ADAP1: variants seen among roughly 807,000 people sequenced by gnomAD.
The protein encoded by ADAP1 is arf-GAP with dual PH domain-containing protein 1.
In ADAP1, 31 loss-of-function variants were observed where a neutral mutation model predicts 54.9. The ratio of observed to expected loss-of-function variants is 0.56; its 90% CI spans 0.42 to 0.76. The LOEUF is 0.76. Ranked by LOEUF, ADAP1 falls within the 30% of genes least tolerant of loss-of-function variation. The probability of loss-of-function intolerance (pLI) is 0.00; values close to 1 mark genes in which losing one functional copy is unlikely to be tolerated. For synonymous variants in ADAP1, 313 were observed against 202.6 expected (o/e 1.55, Z -4.63); for missense variants, 535 against 512.4 (o/e 1.04, Z -0.42).
At chr7:919,595 G>A (rs1027025876) in intron 4 of ADAP1, among the ~76,000 whole-genome samples, 68 of 143,948 alleles carry the variant, frequency 4.7e-4, no homozygotes, top group Non-Finnish European at 7.1e-4. Context: ...GAAGAGAGAG[G>A]AAGAGAGACA....
At position 938,226 on chromosome 7, in the gene ADAP1, T is replaced by G. The variant is rs1055349354; in HGVS notation, c.83-2721A>C. 3.3e-5 allele frequency among the ~76,000 whole-genome samples: 5 copies of G among 152,188 alleles called. No homozygotes were observed. Among genetic ancestry groups the G allele is most frequent in the African/African-American group, 1.2e-4 (5 of 41,534 alleles). ...TCTTGCCCTGTTGCCCAAGGTGGAG[T>G]GCAGTGGTGCAATCACAGCTCACAG... On this transcript the variant is annotated intron_variant, in intron 1 of 10. Transcript: ENST00000265846. The surrounding 1 kb of genome is among the most constrained non-coding windows in gnomAD (Gnocchi z 4.4).
chr7:903,072 G>A (rs1441544235), intron 6 of ADAP1, among the ~76,000 whole-genome samples: 4 of 152,156 alleles, frequency 2.6e-5, no homozygotes, highest in Non-Finnish European at 5.9e-5. Context: ...CTGCAGGAGC[G>A]AGATCTCCAG....
intron 1 of ADAP1, among the ~76,000 whole-genome samples, chr7:939,049 T>C (rs1431802344): frequency 6.6e-6 from 1 of 152,188 alleles, no homozygotes; most frequent in Non-Finnish European, 1.5e-5. Context: ...GGCCTGTTCA[T>C]GGAACCCGTA....
rs183170940 is a variant in ADAP1, at chr7:904,040, G to A, written c.648+86C>T. On this transcript the variant is annotated intron_variant, in intron 6 of 10. Coordinates refer to ENST00000265846, the MANE Select transcript of ADAP1 (RefSeq NM_006869.4). ...GCTCAAGTGCCTACCCTCCCGTACC[G>A]TCCAAGCACCCACCTTCCTGCGCCA... 3.5e-4 allele frequency: 544 copies of A among 1,574,690 alleles called. 2 individuals carry two copies. In the East Asian group the frequency reaches 5.9e-3, roughly 17 times the overall value.
chr7:910,409 C>T (rs1845675932), intron 4 of ADAP1, among the ~76,000 whole-genome samples: 1 of 152,070 alleles, frequency 6.6e-6, no homozygotes, highest in Non-Finnish European at 1.5e-5. Context: ...GCCACCACAC[C>T]CGGCTAAGTT....
rs372557522 is a variant in ADAP1 at position 923,944 on chromosome 7, C to T, written c.305+2609G>A. 2.6e-4 allele frequency among the ~76,000 whole-genome samples: 40 copies of T among 152,198 alleles called. No homozygotes were observed. The South Asian group carries it at 6.0e-3, about 23-fold the overall frequency. ...AGGTGGACGAGTCCCCTGCCCACCT[C>T]GCCAGGCTGGACGTTTGGGCCCCAC... On this transcript the variant is annotated intron_variant, in intron 3 of 10. Coordinates refer to ENST00000265846, the MANE Select transcript of ADAP1 (RefSeq NM_006869.4).
intron 3 of ADAP1, among the ~76,000 whole-genome samples, chr7:923,661 G>A (rs563974023): frequency 5.3e-5 from 8 of 152,126 alleles, no homozygotes; most frequent in Admixed American, 3.3e-4. Context: ...AGGTGGGCAC[G>A]GTGCTCGACC....
intron 4 of ADAP1, among the ~76,000 whole-genome samples, chr7:911,757 C>T (rs1305609027): frequency 1.1e-5 from 1 of 90,292 alleles, no homozygotes; most frequent in Admixed American, 1.0e-4. Flanking sequence ...GGGCGGGGGT[C>T]CCACGGAGGG....
intron 4 of ADAP1, among the ~76,000 whole-genome samples, chr7:906,768 TGGGGGACAGGGGACACGGGGGAC>T (rs1845458994): frequency 8.1e-5 from 2 of 24,706 alleles, no homozygotes; most frequent in Admixed American, 8.7e-4. Flanking sequence ...ACAGGGGACA[TGGGGGACAGGGGACACGGGGGAC>T]GGGACAGGGG....
Position 918,009 on chromosome 7 carries a change from G to C in ADAP1, c.388+1959C>G, listed in dbSNP as rs936951611. Reference sequence around the variant, plus strand: ...TCGCCACGTTGCTCAGGCTGGTCTTGAACTCCTGAGATCAGGAGATCTGCC... The same window carrying C: ...TCGCCACGTTGCTCAGGCTGGTCTTCAACTCCTGAGATCAGGAGATCTGCC... On this transcript the variant is annotated intron_variant, in intron 4 of 10. Transcript: ENST00000265846. Among the ~76,000 whole-genome samples the C allele has an allele frequency of 2.6e-5, 4 of 152,240 alleles. No individual in the cohort carries two copies. In the South Asian group the frequency reaches 8.3e-4, roughly 32 times the overall value.
chr7:953,351 G>T lies in ADAP1; in HGVS notation c.82+1045C>A, dbSNP rs79098204. ...TTTCCAGCCAAGCTGCAGCTGGACA[G>T]CAGCCACCACGACCTGGGGCTGGCA... On this transcript the variant is annotated intron_variant, in intron 1 of 10. Transcript: ENST00000265846. Among the ~76,000 whole-genome samples the T allele has an allele frequency of 0.017, 2,598 of 152,324 alleles. 97 individuals carry two copies. The East Asian group carries it at 0.18, about 11-fold the overall frequency.
intron 1 of ADAP1, among the ~76,000 whole-genome samples, chr7:936,269 C>G (rs371321216): frequency 6.6e-6 from 1 of 152,096 alleles, no homozygotes; most frequent in Non-Finnish European, 1.5e-5. Flanking sequence ...GGCACGATCT[C>G]GGCTCGCTGC....
At chr7:916,408 G>A (rs190242810) in intron 4 of ADAP1, among the ~76,000 whole-genome samples, 3 of 152,284 alleles carry the variant, frequency 2.0e-5, no homozygotes, top group Admixed American at 2.0e-4. Context: ...TACAACCAGA[G>A]GGTTCTGATA....
In ADAP1 at chr7:946,116, G is replaced by A. The variant is rs764930324; in HGVS notation, c.82+8280C>T. ...ACCACCCTTCACAGCTACGTGAGGC[G>A]GGGCATGCATGGCTGTCCCCCAGGC... On this transcript the variant is annotated intron_variant, in intron 1 of 10. Transcript: ENST00000265846. The surrounding 1 kb of genome is among the most constrained non-coding windows in gnomAD (Gnocchi z 4.3). Among the ~76,000 whole-genome samples, 2 of 152,212 alleles carry A rather than the reference G, an allele frequency of 1.3e-5. No individual in the cohort carries two copies. Among genetic ancestry groups the A allele is most frequent in the African/African-American group, 2.4e-5 (1 of 41,454 alleles).
Position 904,691 on chromosome 7 carries a change from G to C in ADAP1, c.501+369C>G, listed in dbSNP as rs929723888. ...TGAAGACCCCACTGTTCTTGCCAAT[G>C]TGTTTGTCCTGTCCCAGTCCAGTCT... On this transcript the variant is annotated intron_variant, in intron 5 of 10. Transcript: ENST00000265846. Among the ~76,000 whole-genome samples, 3 of 152,242 alleles carry C rather than the reference G, an allele frequency of 2.0e-5. No individual in the cohort carries two copies. In the South Asian group the frequency reaches 6.2e-4, roughly 31 times the overall value.
chr7:913,968 T>C (rs552999394), intron 4 of ADAP1, among the ~76,000 whole-genome samples: 1 of 152,280 alleles, frequency 6.6e-6, no homozygotes, highest in African/African-American at 2.4e-5. Flanking sequence ...AGCCCGGTGG[T>C]GATCCTTCCT....
intron 2 of ADAP1, among the ~76,000 whole-genome samples, chr7:930,027 C>T (rs963903003): frequency 3.4e-5 from 5 of 146,966 alleles, no homozygotes; most frequent in African/African-American, 1.3e-4. Flanking sequence ...TCGTTTGAGC[C>T]CAGGAGCTTG....
intron 6 of ADAP1, chr7:901,240 C>G (rs1259045863): frequency 2.8e-6 from 1 of 355,068 alleles, no homozygotes; most frequent in Middle Eastern, 1.0e-3. Flanking sequence ...TGGGTCTAGA[C>G]TTCAGCCTGG....
Position 920,258 on chromosome 7 carries a change from T to C in ADAP1, c.306-208A>G, listed in dbSNP as rs930993904. Among the ~76,000 whole-genome samples the C allele has an allele frequency of 1.3e-5, 2 of 152,016 alleles. No individual in the cohort carries two copies. The highest frequency in any genetic ancestry group is 2.9e-5 in the Non-Finnish European group (2 of 67,980). The stretch of plus-strand genomic sequence containing the variant: ...TCTCACTCTGATATTAGTTTATTGG[T>C]TTCTTGTGCGTTCGGCCCCCGGAGC... On this transcript the variant is annotated intron_variant, in intron 3 of 10. Coordinates refer to ENST00000265846, the MANE Select transcript of ADAP1 (RefSeq NM_006869.4). This position sits in a 1 kb window ranked among gnomAD's most constrained non-coding sequence, Gnocchi z 4.5.
Sources: gnomAD v4.1 joint callset for allele counts (sites outside exome capture counted in the v4.1 genomes callset) on GRCh38, gnomAD v4.1.1 for gene constraint, Gnocchi (gnomAD v3.1) non-coding constraint, MANE v1.5 for transcripts, NCBI Gene and HGNC (gene_info 2026-07-23, HGNC 2026-07-21) for gene names.